The following ATG101 variants were observed in gnomAD, a reference collection of about 807,000 sequenced individuals.
The protein encoded by ATG101 is autophagy-related protein 101.
In ATG101, 6 loss-of-function variants were observed where a neutral mutation model predicts 16.7. The observed-to-expected ratio is 0.36, with a 90% CI of 0.20 to 0.71. The LOEUF is 0.71. Among genes scored for constraint, ATG101 ranks in the 30% least tolerant of loss-of-function variants. The pLI is 0.57. For synonymous variants in ATG101, 108 were observed against 118.1 expected (o/e 0.91, Z 0.56); for missense variants, 200 against 292.5 (o/e 0.68, Z 2.31).
Position 52,073,632 on chromosome 12 carries a change from GT to G in ATG101, c.-18del. 6.2e-7 allele frequency: 1 copy of G among 1,605,602 alleles called. No individual in the cohort carries two copies. Among genetic ancestry groups the G allele is most frequent in the South Asian group, 1.1e-5 (1 of 90,922 alleles). ...CTTTATCCTAGTTCCACACCTTGGT[GT>G]GGGTTACTGGGTGCAGGATGAACTG... On this transcript the variant is annotated 5_prime_UTR_variant, in exon 3 of 4. Coordinates refer to ENST00000336854, the MANE Select transcript of ATG101 (RefSeq NM_021934.5).
intron 3 of ATG101, among the ~76,000 whole-genome samples, chr12:52,075,901 C>T (rs966028155): frequency 1.3e-5 from 2 of 152,072 alleles, no homozygotes; most frequent in Non-Finnish European, 2.9e-5. Context: ...GGCTTGTGAC[C>T]GTAATCCCAG....
Position 52,077,148 on chromosome 12 carries a change from C to T in ATG101, c.615C>T (p.Thr205=), listed in dbSNP as rs772365226. 95 of 1,614,170 alleles carry T rather than the reference C, an allele frequency of 5.9e-5. No homozygotes were observed. Among genetic ancestry groups the T allele is most frequent in the Non-Finnish European group, 8.0e-5 (94 of 1,180,024 alleles). The change falls in exon 4 of 4, where the codon ACC becomes ACT. Residue 205 remains threonine, a synonymous_variant. Coordinates refer to ENST00000336854, the MANE Select transcript of ATG101 (RefSeq NM_021934.5). ...CTGATGCCCTGGGCACCTCAGTCAC[C>T]ACCACCATGCGCAGGCTCATCAAAG... ...QITDALGTSV[T]TTMRRLIKDT...
upstream of ATG101, among the ~76,000 whole-genome samples, chr12:52,066,416 C>G (rs1012278656): frequency 1.4e-4 from 21 of 152,188 alleles, no homozygotes; most frequent in African/African-American, 5.1e-4. Context: ...TGAAGCCCCT[C>G]CACACCGGGA....
upstream of ATG101, among the ~76,000 whole-genome samples, chr12:52,065,682 C>G (rs1047495534): frequency 6.6e-6 from 1 of 152,082 alleles, no homozygotes; most frequent in Non-Finnish European, 1.5e-5. Context: ...AGGCAAGGCT[C>G]CATGGAAAGG....
chr12:52,075,168 G>T (rs1342587900), intron 3 of ATG101, among the ~76,000 whole-genome samples: 1 of 152,170 alleles, frequency 6.6e-6, no homozygotes, highest in Admixed American at 6.5e-5. Flanking sequence ...ATTGCAGGGG[G>T]TTGCCCAGTG....
At chr12:52,072,799 G>T (rs933565430) in intron 2 of ATG101, among the ~76,000 whole-genome samples, 1 of 151,606 alleles carries the variant, frequency 6.6e-6, no homozygotes, top group Non-Finnish European at 1.5e-5. Flanking sequence ...TTGAGACAGG[G>T]TCTCGCTTTG....
upstream of ATG101, chr12:52,069,641 G>A (rs1364327177): frequency 6.6e-6 from 1 of 152,132 alleles, no homozygotes; most frequent in Non-Finnish European, 1.5e-5. Flanking sequence ...TAGGGAGGCG[G>A]CCGAGAGCCC....
chr12:52,067,295 G>C (rs1939559849), upstream of ATG101, among the ~76,000 whole-genome samples: 1 of 152,220 alleles, frequency 6.6e-6, no homozygotes, highest in Non-Finnish European at 1.5e-5. Flanking sequence ...ATCCGTTCTG[G>C]ACTCTGCATT....
Position 52,077,246 on chromosome 12 carries a change from A to T in ATG101, c.*56A>T, listed in dbSNP as rs145892849. The stretch of plus-strand genomic sequence containing the variant: ...GGCTCCCAGACCTTGGCTTTTGGGA[A>T]TTGCACTTTTGGGCCTTTGGGCTCT... On this transcript the variant is annotated 3_prime_UTR_variant, in exon 4 of 4. Coordinates refer to ENST00000336854, the MANE Select transcript of ATG101 (RefSeq NM_021934.5). The T allele has an allele frequency of 1.4e-5, 22 of 1,570,256 alleles. No individual in the cohort carries two copies. Among genetic ancestry groups the T allele is most frequent in the Middle Eastern group, 3.4e-4 (2 of 5,862 alleles).
At chr12:52,072,850 G>A (rs1470511588) in intron 2 of ATG101, among the ~76,000 whole-genome samples, 2 of 151,900 alleles carry the variant, frequency 1.3e-5, no homozygotes, top group African/African-American at 4.8e-5. Context: ...TCAGCTCACT[G>A]CAGCCTCAGC....
intron 3 of ATG101, among the ~76,000 whole-genome samples, chr12:52,074,834 C>T (rs1939707725): frequency 6.6e-6 from 1 of 152,182 alleles, no homozygotes; most frequent in African/African-American, 2.4e-5. Context: ...TGGCACATGC[C>T]TCTAGTTCCA....
intron 3 of ATG101, 35 bp downstream of exon 3, chr12:52,073,937 G>A (rs751250069): frequency 2.5e-6 from 4 of 1,604,640 alleles, no homozygotes; most frequent in Non-Finnish European, 3.4e-6. Flanking sequence ...TAAGGGTGTG[G>A]CATAGCAGAT....
intron 3 of ATG101, among the ~76,000 whole-genome samples, chr12:52,075,647 T>C (rs1181081707): frequency 6.6e-6 from 1 of 152,220 alleles, no homozygotes; most frequent in Admixed American, 6.5e-5. Context: ...TTCAGGGTCC[T>C]GGCTGCCCTA....
chr12:52,070,326 C>T (rs1179784546), intron 1 of ATG101, 28 bp from the exon 2 acceptor site: 1 of 152,366 alleles, frequency 6.6e-6, no homozygotes. Flanking sequence ...GATATGGAGC[C>T]AAGTAAGTTT....
rs368448386 is a variant in ATG101, at chr12:52,073,683, G to A, written c.33G>A (p.Ser11=). The A allele has an allele frequency of 1.0e-4, 165 of 1,613,946 alleles. No homozygotes were observed. The highest frequency in any genetic ancestry group is 1.6e-4 in the Middle Eastern group (1 of 6,068). ...GTCGCTCGGAGGTGCTGGAGGTGTC[G>A]GTGGAGGGGCGGCAGGTGGAGGAGG... is the stretch of plus-strand genomic sequence containing the variant. The part of the protein sequence containing the change: MNCRSEVLEV[S]VEGRQVEEAM... Residue 11 remains serine (S), a synonymous_variant, in exon 3 of 4, where the codon TCG becomes TCA. Coordinates refer to ENST00000336854, the MANE Select transcript of ATG101 (RefSeq NM_021934.5).
upstream of ATG101, among the ~76,000 whole-genome samples, chr12:52,065,880 A>G (rs1373020903): frequency 6.6e-6 from 1 of 152,094 alleles, no homozygotes; most frequent in Non-Finnish European, 1.5e-5. Flanking sequence ...AGAGGGATTG[A>G]TTGATTGATT....
intron 2 of ATG101, among the ~76,000 whole-genome samples, chr12:52,073,095 G>C (rs1939675565): frequency 6.6e-6 from 1 of 152,176 alleles, no homozygotes; most frequent in Non-Finnish European, 1.5e-5. Flanking sequence ...GCACAGATTT[G>C]ATCTTGGCTT....
At chr12:52,074,140 G>C (rs1213095352) in intron 3 of ATG101, among the ~76,000 whole-genome samples, 2 of 152,248 alleles carry the variant, frequency 1.3e-5, no homozygotes, top group Non-Finnish European at 2.9e-5. Context: ...TGGGGGAAAA[G>C]GGAGAGCAGG....
intron 2 of ATG101, chr12:52,071,048 A>T (rs1939642525): frequency 6.6e-6 from 1 of 152,234 alleles, no homozygotes; most frequent in South Asian, 2.1e-4. Context: ...TGATGAATGG[A>T]ATATAGTCTC....
Sources: allele counts gnomAD v4.1 joint callset (sites outside exome capture counted in the v4.1 genomes callset), GRCh38; gene constraint gnomAD v4.1.1; transcripts MANE v1.5; gene names NCBI Gene and HGNC (gene_info 2026-07-23, HGNC 2026-07-21).